Variants in SIPA1L2 observed in about 807,000 individuals in gnomAD.
SIPA1L2 encodes signal-induced proliferation-associated 1-like protein 2.
In SIPA1L2, 56 loss-of-function variants were observed where a neutral mutation model predicts 163.9. The ratio of observed to expected loss-of-function variants is 0.34; its 90% CI spans 0.28 to 0.43. The LOEUF (loss-of-function observed/expected upper bound fraction) is 0.43. Ranked by LOEUF, SIPA1L2 falls within the 20% of genes least tolerant of loss-of-function variation. The pLI is 1.00. For synonymous variants in SIPA1L2, 877 were observed against 865.7 expected (o/e 1.01, Z -0.23); for missense variants, 1,974 against 2,193.5 (o/e 0.90, Z 2.00).
intron 6 of SIPA1L2, among the ~76,000 whole-genome samples, chr1:232,480,143 G>A (rs1224148380): frequency 7.3e-6 from 1 of 136,084 alleles, no homozygotes; most frequent in Non-Finnish European, 1.5e-5. Flanking sequence ...CCGCATCTGT[G>A]TGTGTGTGTG....
chr1:232,630,418 C>G (rs1558316473), upstream of SIPA1L2, among the ~76,000 whole-genome samples: 2 of 152,146 alleles, frequency 1.3e-5, no homozygotes, highest in African/African-American at 4.8e-5. Context: ...GCTCGAGGGC[C>G]GGGCAGCCTA....
chr1:232,427,309 A>G (rs1572880995), intron 17 of SIPA1L2, among the ~76,000 whole-genome samples: 1 of 152,266 alleles, frequency 6.6e-6, no homozygotes, highest in Admixed American at 6.5e-5. Context: ...GATTACAGGC[A>G]TATCAGATTA....
chr1:232,594,438 G>C (rs1051322781), intron 1 of SIPA1L2, among the ~76,000 whole-genome samples: 1 of 151,940 alleles, frequency 6.6e-6, no homozygotes, highest in African/African-American at 2.4e-5. Context: ...AACACCGAGC[G>C]GAGCCAGGGC....
intron 10 of SIPA1L2, among the ~76,000 whole-genome samples, chr1:232,458,061 T>C (rs772261584): frequency 2.0e-5 from 3 of 152,116 alleles, no homozygotes; most frequent in Non-Finnish European, 4.4e-5. Flanking sequence ...CCTGCAGAAA[T>C]GTGGGTGATG....
intron 18 of SIPA1L2, among the ~76,000 whole-genome samples, chr1:232,420,914 G>A (rs567978207): frequency 3.3e-5 from 5 of 152,252 alleles, no homozygotes; most frequent in East Asian, 3.9e-4. Context: ...CACGAAGCAC[G>A]GTGACCTCCT....
rs757109626 is a variant in SIPA1L2 at position 232,493,660 on chromosome 1, T to C, written c.1484A>G (p.Glu495Gly). 6.2e-7 allele frequency: 1 copy of C among 1,614,026 alleles called. No homozygotes were observed. The highest frequency in any genetic ancestry group is 1.7e-5 in the Admixed American group (1 of 60,014). Residue 495 changes from glutamate (E) to glycine (G), a missense_variant and splice_region_variant, in exon 4 of 23, where the codon GAG becomes GGG. Transcript: ENST00000674635. ...ATCTATTCCAAAGTAGTTTTGGTGCTCTATAATGGAAGAGAGAGGGTGGCA... is the reference window on the plus strand; with the variant it reads ...ATCTATTCCAAAGTAGTTTTGGTGCCCTATAATGGAAGAGAGAGGGTGGCA... ...YYYRKFFYGK[E>G]HQNYFGIDEN...
At position 232,465,495 on chromosome 1, in the gene SIPA1L2, T is replaced by TAC. The variant is rs144055946; in HGVS notation, c.2244-81_2244-80dup. 4.9e-4 allele frequency: 524 copies of TAC among 1,065,664 alleles called. 2 individuals carry two copies. The highest frequency in any genetic ancestry group is 4.9e-3 in the African/African-American group (302 of 61,678). The allele number at this position is 1,065,664 out of a possible 1,614,324, so 66.0% of individuals were successfully genotyped here. ...TATCTTTCCGAATTTGACATATATA[T>TAC]ACACACACACACACATATACATACA... On this transcript the variant is annotated intron_variant, in intron 8 of 22. Coordinates refer to ENST00000674635, the MANE Select transcript of SIPA1L2 (RefSeq NM_020808.5). This position sits in a 1 kb window ranked among gnomAD's most constrained non-coding sequence, Gnocchi z 4.1.
intron 6 of SIPA1L2, among the ~76,000 whole-genome samples, chr1:232,480,239 C>T (rs1330916446): frequency 6.6e-6 from 1 of 150,914 alleles, no homozygotes; most frequent in African/African-American, 2.4e-5. Flanking sequence ...TCTTCCAGAA[C>T]CCAGAAAAAT....
chr1:232,447,337 T>C (rs1663276506), intron 10 of SIPA1L2, among the ~76,000 whole-genome samples: 2 of 152,226 alleles, frequency 1.3e-5, no homozygotes, highest in African/African-American at 4.8e-5. Flanking sequence ...TCTCTGCATG[T>C]TGTCTATCTA....
chr1:232,447,934 C>T (rs1466756136), intron 10 of SIPA1L2, among the ~76,000 whole-genome samples: 3 of 152,114 alleles, frequency 2.0e-5, no homozygotes, highest in African/African-American at 4.8e-5. Context: ...TTACAAATCA[C>T]TTTTTTATTG....
chr1:232,522,672 C>T (rs1242964177), intron 2 of SIPA1L2, among the ~76,000 whole-genome samples: 1 of 152,132 alleles, frequency 6.6e-6, no homozygotes, highest in Non-Finnish European at 1.5e-5. Context: ...GTAAAGCCAT[C>T]TGTAATCTCT....
At chr1:232,466,712 A>C (rs930259471) in intron 8 of SIPA1L2, among the ~76,000 whole-genome samples, 4 of 152,064 alleles carry the variant, frequency 2.6e-5, no homozygotes, top group Non-Finnish European at 5.9e-5. Context: ...AATGGTGTGA[A>C]CCTCGGAGGC....
intron 1 of SIPA1L2, among the ~76,000 whole-genome samples, chr1:232,582,571 G>A (rs1194701216): frequency 6.6e-6 from 1 of 152,166 alleles, no homozygotes; most frequent in Admixed American, 6.5e-5. Flanking sequence ...TGGGCACCTA[G>A]GTTGATCCCA....
chr1:232,443,295 AG>A (rs933168691), intron 12 of SIPA1L2, among the ~76,000 whole-genome samples: 21 of 152,212 alleles, frequency 1.4e-4, no homozygotes, highest in African/African-American at 5.1e-4. Context: ...TCTGATTTTG[AG>A]CGGCGTTTCC....
intron 19 of SIPA1L2, among the ~76,000 whole-genome samples, chr1:232,411,766 A>T (rs1040823648): frequency 2.0e-5 from 3 of 152,156 alleles, no homozygotes; most frequent in Non-Finnish European, 2.9e-5. Context: ...TGTAGTCCAG[A>T]TTTACAAAGC....
At position 232,439,182 on chromosome 1, in the gene SIPA1L2, G is replaced by A. The variant is rs757326614; in HGVS notation, c.3957C>T (p.Tyr1319=). The change falls in exon 15 of 23, where the codon TAC becomes TAT. Residue 1319 remains tyrosine, a synonymous_variant. Coordinates refer to ENST00000674635, the MANE Select transcript of SIPA1L2 (RefSeq NM_020808.5). ...CACTGCCGGCGGAGATGGTGGACGCGTAGCCATGCACAGAATATAACTTGG... is the reference window on the plus strand; with the variant it reads ...CACTGCCGGCGGAGATGGTGGACGCATAGCCATGCACAGAATATAACTTGG... ...EPAKLYSVHG[Y]ASTISAGSAA... is the part of the protein sequence containing the mutation. 7.4e-6 allele frequency: 12 copies of A among 1,613,494 alleles called. No homozygotes were observed. The highest frequency in any genetic ancestry group is 2.7e-5 in the African/African-American group (2 of 74,944).
At chr1:232,459,847 G>T (rs1664133970) in intron 10 of SIPA1L2, among the ~76,000 whole-genome samples, 1 of 152,058 alleles carries the variant, frequency 6.6e-6, no homozygotes. Context: ...AAATGTGTGG[G>T]GCAATTATGC....
intron 5 of SIPA1L2, among the ~76,000 whole-genome samples, chr1:232,489,398 A>G (rs1665814773): frequency 6.6e-6 from 1 of 152,354 alleles, no homozygotes; most frequent in Admixed American, 6.5e-5. Context: ...ATGTTTCATG[A>G]ACATTTCATA....
chr1:232,556,802 TTACC>T (rs2102733674), intron 2 of SIPA1L2, among the ~76,000 whole-genome samples: 1 of 152,048 alleles, frequency 6.6e-6, no homozygotes, highest in Non-Finnish European at 1.5e-5. Context: ...ATAAGACAAT[TTACC>T]CAGGAAAAGT....
Sources: allele counts gnomAD v4.1 joint callset (sites outside exome capture counted in the v4.1 genomes callset), GRCh38; gene constraint gnomAD v4.1.1; non-coding constraint Gnocchi (gnomAD v3.1); transcripts MANE v1.5; gene names NCBI Gene and HGNC (gene_info 2026-07-23, HGNC 2026-07-21).